The following MUCL1 variants were observed in gnomAD, a reference collection of about 807,000 sequenced individuals.
MUCL1 encodes mucin like 1.
In MUCL1, 11 loss-of-function variants were observed where a neutral mutation model predicts 9.2. The observed-to-expected ratio is 1.19, with a 90% confidence interval of 0.75 to 1.97. The LOEUF (loss-of-function observed/expected upper bound fraction) is 1.97, where lower values mean the gene tolerates loss of function less well. MUCL1 is among the 30% of genes most tolerant of loss of function. The pLI is 0.00. For synonymous variants in MUCL1, 48 were observed against 40.5 expected (o/e 1.19, Z -0.71); for missense variants, 144 against 110.9 (o/e 1.30, Z -1.34).
At chr12:54,847,071 C>T (rs1959267367) in intron 1 of MUCL1, among the ~76,000 whole-genome samples, 1 of 152,126 alleles carries the variant, frequency 6.6e-6, no homozygotes, top group African/African-American at 2.4e-5. Flanking sequence ...ACGCTCCCTC[C>T]TCAATACTTT....
chr12:54,854,869 G>C (rs565162203), intron 1 of MUCL1, among the ~76,000 whole-genome samples: 2 of 152,180 alleles, frequency 1.3e-5, no homozygotes, highest in African/African-American at 4.8e-5. Context: ...TATTGTTACT[G>C]TTAGTAAAAT....
chr12:54,838,489 G>A (rs1223848116), upstream of MUCL1, among the ~76,000 whole-genome samples: 2 of 152,038 alleles, frequency 1.3e-5, no homozygotes, highest in African/African-American at 4.8e-5. Context: ...GCAAGGCCAG[G>A]GAAGCTTTCC....
At chr12:54,853,290 G>A (rs960158857), upstream of MUCL1, among the ~76,000 whole-genome samples, 6 of 152,136 alleles carry the variant, frequency 3.9e-5, no homozygotes, top group African/African-American at 1.4e-4. Flanking sequence ...ACCCCTCTTT[G>A]AGGCCTCAGT....
chr12:54,833,907 C>T (rs1437397482), intron 1 of MUCL1, among the ~76,000 whole-genome samples: 4 of 151,986 alleles, frequency 2.6e-5, no homozygotes, highest in Non-Finnish European at 5.9e-5. Flanking sequence ...ACCAACATGG[C>T]ACATGTATAC....
chr12:54,836,544 T>C (rs1020045828), upstream of MUCL1, among the ~76,000 whole-genome samples: 4 of 152,194 alleles, frequency 2.6e-5, no homozygotes, highest in African/African-American at 9.6e-5. Flanking sequence ...CAACTTTTTG[T>C]TTCATTGATC....
intron 1 of MUCL1, among the ~76,000 whole-genome samples, chr12:54,840,441 G>T (rs1959205204): frequency 6.6e-6 from 1 of 152,220 alleles, no homozygotes; most frequent in South Asian, 2.1e-4. Context: ...GTAATGGACT[G>T]TGTCAGTTGG....
At chr12:54,837,206 GCTGT>G (rs764699714), upstream of MUCL1, among the ~76,000 whole-genome samples, 6 of 152,044 alleles carry the variant, frequency 3.9e-5, no homozygotes, top group South Asian at 2.1e-4. Context: ...CTATTGTGCT[GCTGT>G]CTATTTCTTT....
upstream of MUCL1, among the ~76,000 whole-genome samples, chr12:54,853,415 C>T (rs192690922): frequency 1.3e-4 from 20 of 152,240 alleles, no homozygotes; most frequent in Admixed American, 1.3e-3. Context: ...GAACTTGGGG[C>T]AGTGCTGGGC....
At chr12:54,853,128 A>G (rs1347109832), upstream of MUCL1, among the ~76,000 whole-genome samples, 2 of 152,172 alleles carry the variant, frequency 1.3e-5, no homozygotes, top group African/African-American at 4.8e-5. Context: ...GGAGAAATAG[A>G]TGTTCAGTGC....
At chr12:54,856,490 G>A (rs1200461648) in intron 2 of MUCL1, among the ~76,000 whole-genome samples, 11 of 152,266 alleles carry the variant, frequency 7.2e-5, no homozygotes, top group African/African-American at 2.6e-4. Context: ...TCGTGGCCTT[G>A]GTCTTTTGTG....
upstream of MUCL1, among the ~76,000 whole-genome samples, chr12:54,835,088 A>G (rs1237130998): frequency 1.3e-5 from 2 of 152,078 alleles, no homozygotes; most frequent in African/African-American, 2.4e-5. Flanking sequence ...ACACTATTTC[A>G]TTCTCTTTTA....
At chr12:54,841,019 T>C (rs1959208980) in intron 1 of MUCL1, among the ~76,000 whole-genome samples, 1 of 152,204 alleles carries the variant, frequency 6.6e-6, no homozygotes, top group Non-Finnish European at 1.5e-5. Flanking sequence ...GTATCCACCA[T>C]TCTACTCTCT....
upstream of MUCL1, among the ~76,000 whole-genome samples, chr12:54,851,250 A>C (rs1437829052): frequency 2.6e-5 from 4 of 152,110 alleles, no homozygotes; most frequent in East Asian, 7.7e-4. Context: ...TATGTCCTGA[A>C]TGGTATTGCC....
At chr12:54,845,914 C>T (rs10747720) in intron 1 of MUCL1, among the ~76,000 whole-genome samples, 55,513 of 151,952 alleles carry the variant, frequency 0.37, 12,026 homozygotes, top group East Asian at 0.84. Flanking sequence ...CCTTATAAAA[C>T]TGTTTTTCTC....
upstream of MUCL1, among the ~76,000 whole-genome samples, chr12:54,839,006 A>G (rs1381896749): frequency 6.6e-6 from 1 of 151,420 alleles, no homozygotes; most frequent in African/African-American, 2.4e-5. Flanking sequence ...CTGTTTTGTC[A>G]TATTGCCAGA....
chr12:54,834,420 G>T (rs940770908), upstream of MUCL1, among the ~76,000 whole-genome samples: 2 of 151,776 alleles, frequency 1.3e-5, no homozygotes, highest in African/African-American at 2.4e-5. Flanking sequence ...TCGTCTAATT[G>T]TAAATCCTCA....
chr12:54,836,765 T>C (rs895625413), upstream of MUCL1, among the ~76,000 whole-genome samples: 2 of 152,204 alleles, frequency 1.3e-5, no homozygotes, highest in African/African-American at 4.8e-5. Flanking sequence ...ATGCCAGAGG[T>C]TTTGATAACT....
intron 1 of MUCL1, among the ~76,000 whole-genome samples, chr12:54,833,145 T>A (rs1959187573): frequency 1.3e-5 from 2 of 152,242 alleles, no homozygotes; most frequent in South Asian, 4.1e-4. Context: ...TAGGTCCTTT[T>A]TCCTTGGCTT....
At chr12:54,855,342 T>C in intron 2 of MUCL1, 185 bp downstream of exon 2, 2 of 597,640 alleles carry the variant, frequency 3.3e-6, no homozygotes, top group Non-Finnish European at 6.0e-6. Flanking sequence ...TTATTTCTTA[T>C]ACATTCTTAG....
Sources: gnomAD v4.1 joint callset for allele counts (sites outside exome capture counted in the v4.1 genomes callset) on GRCh38, gnomAD v4.1.1 for gene constraint, MANE v1.5 for transcripts, NCBI Gene and HGNC (gene_info 2026-07-23, HGNC 2026-07-21) for gene names.